CFAP61: variants seen among roughly 807,000 people sequenced by gnomAD.
CFAP61 encodes the protein cilia and flagella associated protein 61, also known as cilia- and flagella-associated protein 61.
In CFAP61, 107 loss-of-function variants were observed where a neutral mutation model predicts 135.6. The observed-to-expected ratio is 0.79, with a 90% CI of 0.67 to 0.93. CFAP61 has a LOEUF of 0.93. Among genes scored for constraint, CFAP61 ranks in the 40% least tolerant of loss-of-function variants. CFAP61 has a pLI of 0.00. For synonymous variants in CFAP61, 575 were observed against 578.5 expected (o/e 0.99, Z 0.09); for missense variants, 1,507 against 1,556.2 (o/e 0.97, Z 0.53).
At chr20:20,193,567 T>TCCTC (rs1278201126) in intron 15 of CFAP61, among the ~76,000 whole-genome samples, 2 of 152,118 alleles carry the variant, frequency 1.3e-5, no homozygotes, top group Admixed American at 1.3e-4. Context: ...CTCATACTTG[T>TCCTC]ATACTCATTT....
At chr20:20,089,640 A>G (rs2047044591) in intron 6 of CFAP61, among the ~76,000 whole-genome samples, 1 of 151,920 alleles carries the variant, frequency 6.6e-6, no homozygotes, top group African/African-American at 2.4e-5. Context: ...AAAAAAGAGC[A>G]CTAAACTTAC....
intron 7 of CFAP61, chr20:20,095,787 G>A (rs1208072969): frequency 6.6e-6 from 1 of 152,266 alleles, no homozygotes; most frequent in African/African-American, 2.4e-5. Flanking sequence ...CAGGAGGAGA[G>A]GATCAGAGCC....
intron 8 of CFAP61, among the ~76,000 whole-genome samples, chr20:20,104,909 T>C (rs1010992797): frequency 2.0e-5 from 3 of 152,180 alleles, no homozygotes; most frequent in African/African-American, 7.2e-5. Context: ...CCAGTCACAA[T>C]GCATTAGGGC....
At chr20:20,169,724 A>G (rs2054086901) in intron 13 of CFAP61, among the ~76,000 whole-genome samples, 1 of 152,192 alleles carries the variant, frequency 6.6e-6, no homozygotes, top group Non-Finnish European at 1.5e-5. Flanking sequence ...AGGCAGAACA[A>G]TGTAACACAA....
chr20:20,269,150 C>CAG (rs1173108394), intron 21 of CFAP61, among the ~76,000 whole-genome samples: 11 of 85,814 alleles, frequency 1.3e-4, no homozygotes, highest in Admixed American at 2.6e-4. Flanking sequence ...TATATATACA[C>CAG]ACACACACAC....
In CFAP61 at chr20:20,311,636, G is replaced by A. The variant is rs143936899; in HGVS notation, c.3422+13250G>A. ...CAGAGGGAGAGGGAGCTGAGGGTCC[G>A]GGGAGACCAAGGCAGGTGGAGTTGT... On this transcript the variant is annotated intron_variant, in intron 25 of 26. Transcript: ENST00000245957. Among the ~76,000 whole-genome samples the A allele has an allele frequency of 1.1e-3, 174 of 152,044 alleles. 3 individuals are homozygous for A. Among genetic ancestry groups the A allele is most frequent in the African/African-American group, 2.7e-3 (110 of 41,452 alleles).
chr20:20,088,488 C>T (rs895894074), intron 6 of CFAP61, among the ~76,000 whole-genome samples: 2 of 152,092 alleles, frequency 1.3e-5, no homozygotes, highest in Admixed American at 1.3e-4. Context: ...GGGGAGGCCC[C>T]TTATAAAACC....
At chr20:20,340,912 C>T (rs1164213987) in intron 25 of CFAP61, among the ~76,000 whole-genome samples, 2 of 152,174 alleles carry the variant, frequency 1.3e-5, no homozygotes, top group South Asian at 2.1e-4. Context: ...CTAACACAGA[C>T]TCTCGGCGTC....
intron 18 of CFAP61, among the ~76,000 whole-genome samples, chr20:20,235,921 C>T (rs117800641): frequency 1.3e-5 from 2 of 152,292 alleles, no homozygotes; most frequent in East Asian, 1.9e-4. Flanking sequence ...GCCATCTATG[C>T]AGCAGATGGC....
intron 13 of CFAP61, among the ~76,000 whole-genome samples, chr20:20,181,136 C>T (rs190935887): frequency 1.2e-3 from 181 of 151,262 alleles, no homozygotes; most frequent in Admixed American, 4.2e-3. Flanking sequence ...CCAACCTTCA[C>T]GCGTACCCCT....
At chr20:20,093,179 G>C (rs1406720925) in intron 7 of CFAP61, among the ~76,000 whole-genome samples, 3 of 152,168 alleles carry the variant, frequency 2.0e-5, no homozygotes, top group Non-Finnish European at 4.4e-5. Flanking sequence ...TATGAACCTT[G>C]AAAACATGAT....
intron 1 of CFAP61, chr20:20,055,912 C>T (rs761311649): frequency 9.4e-6 from 14 of 1,484,936 alleles, no homozygotes; most frequent in Admixed American, 1.7e-5. Flanking sequence ...GAAATTGAGA[C>T]AATGAGAGAG....
chr20:20,081,251 C>T (rs1403963248), intron 6 of CFAP61, among the ~76,000 whole-genome samples: 1 of 152,142 alleles, frequency 6.6e-6, no homozygotes, highest in Non-Finnish European at 1.5e-5. Context: ...ATATGAGTTA[C>T]TTACAACTGA....
chr20:20,339,208 TC>T (rs1022350191), intron 25 of CFAP61, among the ~76,000 whole-genome samples: 1 of 152,178 alleles, frequency 6.6e-6, no homozygotes, highest in African/African-American at 2.4e-5. Flanking sequence ...CTAGTAGTCT[TC>T]CCCTTTTGAA....
chr20:20,346,559 A>G (rs1194197372), intron 26 of CFAP61, among the ~76,000 whole-genome samples: 1 of 152,110 alleles, frequency 6.6e-6, no homozygotes, highest in Non-Finnish European at 1.5e-5. Flanking sequence ...TATTTTTAAA[A>G]AGCAAACTCA....
chr20:20,071,124 A>G (rs1455207117), intron 3 of CFAP61, 120 bp downstream of exon 3: 4 of 1,008,414 alleles, frequency 4.0e-6, no homozygotes, highest in Non-Finnish European at 5.8e-6. Flanking sequence ...GACAGTTAAA[A>G]GTGAAGGGAG....
intron 17 of CFAP61, among the ~76,000 whole-genome samples, chr20:20,204,055 A>T (rs1312765888): frequency 6.6e-6 from 1 of 151,812 alleles, no homozygotes; most frequent in Non-Finnish European, 1.5e-5. Flanking sequence ...AGCCCCTCCC[A>T]TTGCCTCAAT....
At chr20:20,063,366 CA>C (rs929442763) in intron 2 of CFAP61, among the ~76,000 whole-genome samples, 3 of 150,000 alleles carry the variant, frequency 2.0e-5, no homozygotes, top group African/African-American at 7.3e-5. Context: ...TGTAAAAATT[CA>C]AAAAAAAATT....
intron 25 of CFAP61, among the ~76,000 whole-genome samples, chr20:20,300,271 G>A (rs1334585230): frequency 6.6e-6 from 1 of 152,094 alleles, no homozygotes; most frequent in Non-Finnish European, 1.5e-5. Context: ...ATTTTCGAGT[G>A]TATGCCTTCT....
Sources: gnomAD v4.1 joint callset for allele counts (sites outside exome capture counted in the v4.1 genomes callset) on GRCh38, gnomAD v4.1.1 for gene constraint, MANE v1.5 for transcripts, NCBI Gene and HGNC (gene_info 2026-07-23, HGNC 2026-07-21) for gene names.